Variants in CDK14 observed in about 807,000 individuals in gnomAD.
CDK14 encodes cyclin dependent kinase 14, also known as cyclin-dependent kinase 14.
CDK14 carries 34 observed loss-of-function variants against 60.7 expected under a neutral mutation model. That is an observed-to-expected ratio of 0.56 (90% CI 0.43 to 0.75). The LOEUF is 0.75. Among genes scored for constraint, CDK14 ranks in the 30% least tolerant of loss-of-function variants. CDK14 has a pLI of 0.00. For synonymous variants in CDK14, 197 were observed against 203.7 expected, an observed-to-expected ratio of 0.97 and a Z score of 0.28; for missense variants, 482 against 564.1, an observed-to-expected ratio of 0.85 and a Z score of 1.47.
intron 2 of CDK14, among the ~76,000 whole-genome samples, chr7:90,687,567 A>T (rs1173275828): frequency 6.6e-6 from 1 of 152,100 alleles, no homozygotes; most frequent in Non-Finnish European, 1.5e-5. Flanking sequence ...ATAATAATGG[A>T]TCTAGATACA....
intron 10 of CDK14, among the ~76,000 whole-genome samples, chr7:91,014,082 T>G (rs1223297009): frequency 6.6e-6 from 1 of 152,068 alleles, no homozygotes; most frequent in Non-Finnish European, 1.5e-5. Context: ...ACATCTCTTG[T>G]CTGTCTACTT....
rs17863165 is a variant in CDK14, at chr7:90,607,218, T to G, written c.123+2969T>G. 3.9e-3 allele frequency among the ~76,000 whole-genome samples: 594 copies of G among 152,356 alleles called. 2 individuals carry two copies. The highest frequency in any genetic ancestry group is 6.7e-3 in the Non-Finnish European group (457 of 68,032). On this transcript the variant is annotated intron_variant, in intron 2 of 14. Coordinates refer to ENST00000380050, the MANE Select transcript of CDK14 (RefSeq NM_001287135.2). ...CAGATTATAATAGTAGAAATTTTTT[T>G]GAACGCTTGTTTTTTACCTTCTCTC...
chr7:91,152,796 G>A (rs550117018), intron 14 of CDK14, among the ~76,000 whole-genome samples: 126 of 152,282 alleles, frequency 8.3e-4, no homozygotes, highest in Non-Finnish European at 1.3e-3. Flanking sequence ...TAGCATGTCA[G>A]CATTAAAACT....
intron 10 of CDK14, among the ~76,000 whole-genome samples, chr7:91,022,298 G>C (rs1052544587): frequency 1.3e-5 from 2 of 152,154 alleles, no homozygotes; most frequent in Non-Finnish European, 2.9e-5. Context: ...TTTAGAGTAG[G>C]GTTTCTCAGC....
intron 7 of CDK14, among the ~76,000 whole-genome samples, chr7:90,911,412 ATCTT>A (rs1218725537): frequency 3.3e-5 from 5 of 152,192 alleles, no homozygotes; most frequent in African/African-American, 9.6e-5. Context: ...TAGCATAATT[ATCTT>A]TCTAAGACAT....
intron 2 of CDK14, among the ~76,000 whole-genome samples, chr7:90,707,185 G>A (rs929168): frequency 0.56 from 85,578 of 151,922 alleles, 24,350 homozygotes; most frequent in East Asian, 0.77. Context: ...AAAAAATTGA[G>A]TTTATAATAG....
At chr7:90,901,147 A>G (rs537532465) in intron 7 of CDK14, among the ~76,000 whole-genome samples, 1 of 152,208 alleles carries the variant, frequency 6.6e-6, no homozygotes, top group African/African-American at 2.4e-5. Flanking sequence ...CTTTCATCAC[A>G]TGGTCATTCA....
At chr7:91,046,251 A>G (rs1797229926) in intron 11 of CDK14, among the ~76,000 whole-genome samples, 1 of 152,218 alleles carries the variant, frequency 6.6e-6, no homozygotes, top group Non-Finnish European at 1.5e-5. Flanking sequence ...CCATGTCTAT[A>G]AAAACAAAAT....
chr7:90,949,271 C>T (rs1451457442), intron 8 of CDK14, among the ~76,000 whole-genome samples: 1 of 151,940 alleles, frequency 6.6e-6, no homozygotes, highest in Non-Finnish European at 1.5e-5. Context: ...GATGCGATCT[C>T]GGCTCACTGC....
intron 8 of CDK14, among the ~76,000 whole-genome samples, chr7:90,943,162 G>A (rs1455684223): frequency 6.6e-6 from 1 of 152,116 alleles, no homozygotes; most frequent in Non-Finnish European, 1.5e-5. Flanking sequence ...AGTAAGCAAA[G>A]GAAGAATTAA....
chr7:90,995,990 C>A (rs1795671928), intron 10 of CDK14, among the ~76,000 whole-genome samples: 1 of 152,088 alleles, frequency 6.6e-6, no homozygotes, highest in Admixed American at 6.6e-5. Context: ...TATGTGACAA[C>A]CTTAAAACCT....
chr7:90,917,723 C>T lies in CDK14; in HGVS notation c.825C>T (p.Phe275=), dbSNP rs202149959. Residue 275 remains phenylalanine, a splice_region_variant and synonymous_variant, in exon 8 of 15, where the codon TTC becomes TTT. Transcript: ENST00000380050. ...SDTGELKLAD[F]GLARAKSVPS... ...CGGGGGAGTTAAAGCTGGCAGATTT[C>T]GGTAGGAAAGCAGTTAATTACCAGT... 1.3e-5 allele frequency: 21 copies of T among 1,612,156 alleles called. No individual in the cohort carries two copies. Among genetic ancestry groups the T allele is most frequent in the Middle Eastern group, 1.7e-4 (1 of 6,048 alleles).
intron 5 of CDK14, among the ~76,000 whole-genome samples, chr7:90,815,499 T>G (rs1789311117): frequency 6.6e-6 from 1 of 152,186 alleles, no homozygotes; most frequent in South Asian, 2.1e-4. Flanking sequence ...CATTGTGGAA[T>G]GCAGTATGGC....
At chr7:90,799,561 G>A (rs752670391) in intron 5 of CDK14, among the ~76,000 whole-genome samples, 3 of 151,754 alleles carry the variant, frequency 2.0e-5, no homozygotes, top group Non-Finnish European at 4.4e-5. Flanking sequence ...GTGGTGGCGG[G>A]CACCTGTAAT....
At chr7:91,124,825 A>T (rs551307087) in intron 14 of CDK14, among the ~76,000 whole-genome samples, 16 of 152,328 alleles carry the variant, frequency 1.1e-4, no homozygotes, top group African/African-American at 3.8e-4. Flanking sequence ...ATTACAAGGA[A>T]GTTAGCAGTC....
chr7:91,036,462 A>T (rs1209876137), intron 10 of CDK14, among the ~76,000 whole-genome samples: 2 of 151,858 alleles, frequency 1.3e-5, no homozygotes, highest in Non-Finnish European at 2.9e-5. Flanking sequence ...TTAGATGTGG[A>T]TTTTTTTTCA....
rs569727224 is a variant in CDK14, at chr7:90,618,076, A to G, written c.123+13827A>G. Among the ~76,000 whole-genome samples, 12 of 152,346 alleles carry G rather than the reference A, an allele frequency of 7.9e-5. No homozygotes were observed. The East Asian group carries it at 2.3e-3, about 29-fold the overall frequency. ...TAATAAATTCATTCATTTTCTTCGAATCCTGAATATATACACTTGGATTAT... is the reference window on the plus strand; with the variant it reads ...TAATAAATTCATTCATTTTCTTCGAGTCCTGAATATATACACTTGGATTAT... On this transcript the variant is annotated intron_variant, in intron 2 of 14. Coordinates refer to ENST00000380050, the MANE Select transcript of CDK14 (RefSeq NM_001287135.2).
intron 14 of CDK14, among the ~76,000 whole-genome samples, chr7:91,151,080 G>A (rs1800815433): frequency 6.6e-6 from 1 of 152,160 alleles, no homozygotes; most frequent in Non-Finnish European, 1.5e-5. Flanking sequence ...TATATCCCAT[G>A]AAGCAGACAT....
intron 6 of CDK14, among the ~76,000 whole-genome samples, chr7:90,886,234 G>C (rs1791942547): frequency 6.6e-6 from 1 of 152,048 alleles, no homozygotes; most frequent in Non-Finnish European, 1.5e-5. Context: ...GCACAAGTAT[G>C]TTTTCTTTTT....
Sources: gnomAD v4.1 joint callset for allele counts (sites outside exome capture counted in the v4.1 genomes callset) on GRCh38, gnomAD v4.1.1 for gene constraint, MANE v1.5 for transcripts, NCBI Gene and HGNC (gene_info 2026-07-23, HGNC 2026-07-21) for gene names.